Variants in RUFY2 observed in about 807,000 individuals in gnomAD.
RUFY2 encodes RUN and FYVE domain-containing protein 2.
A neutral mutation model predicts 94.4 loss-of-function variants in RUFY2; 49 were observed. The ratio of observed to expected loss-of-function variants is 0.52; its 90% CI spans 0.41 to 0.66. The LOEUF (loss-of-function observed/expected upper bound fraction) is 0.66, where lower values mean the gene tolerates loss of function less well. Among genes scored for constraint, RUFY2 ranks in the 30% least tolerant of loss-of-function variants. RUFY2 has a pLI of 0.00. For missense variants in RUFY2, 541 were observed against 692.8 expected (o/e 0.78, Z 2.46); for synonymous variants, 255 against 235.7 (o/e 1.08, Z -0.75).
chr10:68,359,492 GTAC>G lies in RUFY2; in HGVS notation c.1551-4094_1551-4092del, dbSNP rs1421517410. On this transcript the variant is annotated intron_variant, in intron 15 of 17. Transcript: ENST00000602465. ...ACTATATATAAAAATATATATAGTA[GTAC>G]TACTATATATATAAATATACATAGT... Among the ~76,000 whole-genome samples, 12 of 141,900 alleles carry G rather than the reference GTAC, an allele frequency of 8.5e-5. No individual in the cohort carries two copies. In the East Asian group the frequency reaches 1.0e-3, roughly 12 times the overall value. 93.1% of individuals were successfully genotyped at this position (141,900 alleles called of 152,430 possible).
At chr10:68,384,193 C>T in intron 8 of RUFY2, 41 bp from the exon 9 acceptor site, 1 of 1,563,808 alleles carries the variant, frequency 6.4e-7, no homozygotes, top group Non-Finnish European at 8.6e-7. Flanking sequence ...ATTTTAAACA[C>T]CCTTATACTT....
Position 68,382,244 on chromosome 10 carries a change from G to C in RUFY2, c.940-845C>G, listed in dbSNP as rs572951647. 7.3e-5 allele frequency among the ~76,000 whole-genome samples: 11 copies of C among 149,874 alleles called. No individual in the cohort carries two copies. In the South Asian group the frequency reaches 2.3e-3, roughly 32 times the overall value. On this transcript the variant is annotated intron_variant, in intron 10 of 17. Coordinates refer to ENST00000602465, the MANE Select transcript of RUFY2 (RefSeq NM_001330103.2). ...TTTTTTTTTTTGTATTTTTAGTACA[G>C]ACAGGGTTTCACCATGTTAGCCAGG...
intron 13 of RUFY2, among the ~76,000 whole-genome samples, 164 bp from the exon 14 acceptor site, chr10:68,364,277 C>G (rs1414737991): frequency 4.6e-5 from 7 of 152,180 alleles, no homozygotes; most frequent in Non-Finnish European, 2.9e-5. Flanking sequence ...AGTTCAGCAG[C>G]ACAGGGTTTT....
intron 15 of RUFY2, among the ~76,000 whole-genome samples, chr10:68,362,284 C>T (rs915932976): frequency 4.6e-5 from 7 of 152,118 alleles, no homozygotes; most frequent in Non-Finnish European, 1.5e-5. Flanking sequence ...GCTGTGCCTG[C>T]GTCACTGTTC....
At chr10:68,399,442 T>C (rs1253006724) in intron 3 of RUFY2, among the ~76,000 whole-genome samples, 2 of 152,210 alleles carry the variant, frequency 1.3e-5, no homozygotes, top group Non-Finnish European at 2.9e-5. Flanking sequence ...TATACAATTA[T>C]AATAATAACC....
rs1394208737 is a variant in RUFY2, at chr10:68,377,597, C to T, written c.1206-625G>A. 3 of 985,260 alleles carry T rather than the reference C, an allele frequency of 3.0e-6. No individual in the cohort carries two copies. In the African/African-American group the frequency reaches 5.2e-5, roughly 17 times the overall value. 61.0% of individuals were successfully genotyped at this position (985,260 alleles called of 1,614,324 possible). A position where few individuals can be genotyped will look rare whatever the true frequency, so the allele number is the denominator to read the frequency against. ...CCAGTTGGCATCATTTGCTAGAGAT[C>T]ATTTTTGTTCCTCACCATTTAATAT... is the stretch of plus-strand genomic sequence containing the variant. On this transcript the variant is annotated intron_variant, in intron 12 of 17. Coordinates refer to ENST00000602465, the MANE Select transcript of RUFY2 (RefSeq NM_001330103.2).
At chr10:68,342,362 T>A (rs1466254892), downstream of RUFY2, 2 of 237,162 alleles carry the variant, frequency 8.4e-6, no homozygotes, top group Non-Finnish European at 1.6e-5. Context: ...CTATTAGTTC[T>A]ACAAGAAGTA....
Position 68,394,327 on chromosome 10 carries a change from C to T in RUFY2, c.522+1G>A. The T allele has an allele frequency of 6.2e-7, 1 of 1,613,898 alleles. No homozygotes were observed. The highest frequency in any genetic ancestry group is 8.5e-7 in the Non-Finnish European group (1 of 1,179,862). The stretch of plus-strand genomic sequence containing the variant: ...ATTTGGCACTAGTCACTTTCACTTA[C>T]TTGTGAGTCTAAATCCTCTCCCTTC... On this transcript the variant is annotated splice_donor_variant, in intron 5 of 17. Transcript: ENST00000602465. LOFTEE classifies it high-confidence loss of function.
intron 12 of RUFY2, chr10:68,377,479 A>G (rs2048753201): frequency 1.0e-6 from 1 of 990,710 alleles, no homozygotes; most frequent in Non-Finnish European, 1.2e-6. Context: ...TTCTTACGGC[A>G]TCTTTATGCA....
intron 3 of RUFY2, among the ~76,000 whole-genome samples, chr10:68,400,631 G>A (rs1436590876): frequency 1.3e-5 from 2 of 150,578 alleles, no homozygotes; most frequent in Non-Finnish European, 2.9e-5. Context: ...AGCTGAAATC[G>A]CACCACTACA....
chr10:68,371,506 C>T lies in RUFY2; in HGVS notation c.1325+5347G>A, dbSNP rs138470364. 7.0e-3 allele frequency among the ~76,000 whole-genome samples: 1,064 copies of T among 151,186 alleles called. 7 individuals carry two copies. Among genetic ancestry groups the T allele is most frequent in the Non-Finnish European group, 0.011 (750 of 67,806 alleles). ...ACCCAGGAGACTGAGGCAGAAGAAT[C>T]GCTTGAATCCAGGAGGCGGAGGTTG... On this transcript the variant is annotated intron_variant, in intron 13 of 17. Transcript: ENST00000602465.
Position 68,383,830 on chromosome 10 carries a change from T to C in RUFY2, c.907A>G (p.Arg303Gly). The change falls in exon 10 of 18, where the codon AGG becomes GGG. Residue 303 changes from arginine to glycine, a missense_variant. Physicochemically the swap from Arg to Gly is moderately radical, Grantham distance 125 (BLOSUM62 -2). Coordinates refer to ENST00000602465, the MANE Select transcript of RUFY2 (RefSeq NM_001330103.2). Reference protein sequence around the residue: ...GLDEMYNEARRQLRDESQLRQ... With the variant: ...GLDEMYNEARGQLRDESQLRQ... Reference sequence around the variant, plus strand: ...AACTGAGATTCATCTCGAAGCTGCCTTCTGGCTTCATTGTACATTTCATCT... The same window carrying C: ...AACTGAGATTCATCTCGAAGCTGCCCTCTGGCTTCATTGTACATTTCATCT... 6.2e-7 allele frequency: 1 copy of C among 1,613,734 alleles called. No individual in the cohort carries two copies. The highest frequency in any genetic ancestry group is 8.5e-7 in the Non-Finnish European group (1 of 1,179,704).
intron 16 of RUFY2, among the ~76,000 whole-genome samples, chr10:68,353,403 C>A (rs1777181989): frequency 6.8e-6 from 1 of 148,088 alleles, no homozygotes; most frequent in Non-Finnish European, 1.5e-5. Context: ...GAGCCTGAGG[C>A]AGGAGAATCA....
chr10:68,369,493 A>AG (rs2048101582), intron 13 of RUFY2, among the ~76,000 whole-genome samples: 1 of 11,700 alleles, frequency 8.5e-5, no homozygotes, highest in Non-Finnish European at 1.4e-4. Context: ...TCAAAAAAAA[A>AG]AAACAAAAAA....
chr10:68,366,830 TATA>T (rs1197329120), intron 13 of RUFY2, among the ~76,000 whole-genome samples: 18 of 140,148 alleles, frequency 1.3e-4, no homozygotes, highest in Middle Eastern at 7.4e-3. Context: ...TGGTATATAT[TATA>T]ATAATATATA....
intron 15 of RUFY2, among the ~76,000 whole-genome samples, chr10:68,361,965 C>T (rs1048217676): frequency 1.3e-5 from 2 of 152,086 alleles, no homozygotes; most frequent in Admixed American, 6.6e-5. Flanking sequence ...CATAAAACAT[C>T]AAAGAGATTT....
chr10:68,379,372 G>GA (rs2048873044), intron 12 of RUFY2, 52 bp downstream of exon 12: 1 of 1,310,718 alleles, frequency 7.6e-7, no homozygotes, highest in Admixed American at 2.4e-5. Context: ...ACTGAATAAA[G>GA]AAAAAGGGAA....
intron 10 of RUFY2, among the ~76,000 whole-genome samples, 193 bp from the exon 11 acceptor site, chr10:68,381,592 C>T (rs751353185): frequency 3.3e-5 from 5 of 152,298 alleles, no homozygotes; most frequent in South Asian, 4.1e-4. Context: ...TACCTGTAAT[C>T]CCAGCACTTT....
chr10:68,357,034 A>C (rs2047102987), intron 15 of RUFY2, among the ~76,000 whole-genome samples: 1 of 151,088 alleles, frequency 6.6e-6, no homozygotes, highest in African/African-American at 2.4e-5. Flanking sequence ...GGGCGTGGTG[A>C]GGGGCGCCTG....
Sources: allele counts gnomAD v4.1 joint callset (sites outside exome capture counted in the v4.1 genomes callset), GRCh38; gene constraint gnomAD v4.1.1; transcripts MANE v1.5; gene names NCBI Gene and HGNC (gene_info 2026-07-23, HGNC 2026-07-21).